Variants in GRID2 observed in about 807,000 individuals in gnomAD.
GRID2 encodes the protein glutamate ionotropic receptor delta type subunit 2, also known as glutamate receptor ionotropic, delta-2.
Under a neutral mutation model 114.8 loss-of-function variants are expected in GRID2, and 33 were observed. The ratio of observed to expected loss-of-function variants is 0.29; its 90% CI spans 0.22 to 0.38. The LOEUF (loss-of-function observed/expected upper bound fraction) is 0.38, where lower values mean the gene tolerates loss of function less well. Ranked by LOEUF, GRID2 falls within the 10% of genes least tolerant of loss-of-function variation. The pLI, the probability that GRID2 is intolerant of heterozygous loss-of-function variation, is 1.00. For synonymous variants in GRID2, 505 were observed against 449.9 expected (o/e 1.12, Z -1.55); for missense variants, 1,184 against 1,257.7 (o/e 0.94, Z 0.89).
At chr4:93,453,188 A>G (rs1168321152) in intron 10 of GRID2, among the ~76,000 whole-genome samples, 1 of 151,630 alleles carries the variant, frequency 6.6e-6, no homozygotes, top group Non-Finnish European at 1.5e-5. Context: ...GCTTCAGTGC[A>G]GCACCTCTAA....
At chr4:92,770,148 C>T (rs1005413709) in intron 2 of GRID2, among the ~76,000 whole-genome samples, 6 of 152,204 alleles carry the variant, frequency 3.9e-5, no homozygotes, top group Admixed American at 2.0e-4. Flanking sequence ...AATCATCTCT[C>T]TCAAGTTCAA....
chr4:92,531,702 G>T (rs1725366020), intron 1 of GRID2, among the ~76,000 whole-genome samples: 1 of 152,004 alleles, frequency 6.6e-6, no homozygotes, highest in Non-Finnish European at 1.5e-5. Flanking sequence ...TTTATGAGAG[G>T]ACTAGAAAAT....
At chr4:93,002,715 A>G (rs1721121658) in intron 2 of GRID2, among the ~76,000 whole-genome samples, 1 of 151,880 alleles carries the variant, frequency 6.6e-6, no homozygotes, top group African/African-American at 2.4e-5. Flanking sequence ...ATATAAAATT[A>G]TGATGATTAG....
At chr4:93,222,276 T>C (rs1251212399) in intron 6 of GRID2, among the ~76,000 whole-genome samples, 1 of 151,994 alleles carries the variant, frequency 6.6e-6, no homozygotes, top group Non-Finnish European at 1.5e-5. Context: ...GTATGCACTG[T>C]GTGTTCCGGT....
chr4:92,680,621 A>C (rs907943462), intron 2 of GRID2, among the ~76,000 whole-genome samples: 3 of 152,166 alleles, frequency 2.0e-5, no homozygotes, highest in African/African-American at 7.2e-5. Context: ...AACAGCATAA[A>C]GAATAATGAA....
intron 1 of GRID2, among the ~76,000 whole-genome samples, chr4:92,522,314 A>G (rs570586451): frequency 2.6e-5 from 4 of 151,874 alleles, no homozygotes; most frequent in East Asian, 1.9e-4. Context: ...GTAAACAGGG[A>G]AAAAAAATAA....
intron 1 of GRID2, among the ~76,000 whole-genome samples, chr4:92,335,848 C>T (rs1451634413): frequency 6.6e-6 from 1 of 152,146 alleles, no homozygotes; most frequent in African/African-American, 2.4e-5. Flanking sequence ...ATTGGTTTAT[C>T]TGATGCTTGA....
Position 93,111,192 on chromosome 4 carries a change from TAAGAAGTCTTATAG to T in GRID2, c.735+243_735+256del, listed in dbSNP as rs1386663385. 9.9e-5 allele frequency among the ~76,000 whole-genome samples: 15 copies of T among 152,200 alleles called. 1 individual carries two copies. The highest frequency in any genetic ancestry group is 7.2e-4 in the Admixed American group (11 of 15,272). On this transcript the variant is annotated intron_variant, in intron 4 of 15. Transcript: ENST00000282020. ...TTTAGGCACATAGACAGAACAATTT[TAAGAAGTCTTATAG>T]AAGTTTAAAAGTGCTGTTGACCTGA...
At chr4:92,441,743 T>C (rs538915683) in intron 1 of GRID2, among the ~76,000 whole-genome samples, 9 of 152,090 alleles carry the variant, frequency 5.9e-5, no homozygotes, top group African/African-American at 1.9e-4. Context: ...GATTAGGTTT[T>C]AATGAGATGG....
At chr4:93,388,810 T>C (rs1003781149) in intron 8 of GRID2, among the ~76,000 whole-genome samples, 4 of 152,056 alleles carry the variant, frequency 2.6e-5, no homozygotes, top group African/African-American at 7.2e-5. Flanking sequence ...AGAGGTGAAA[T>C]TGGCAGAGCT....
chr4:93,126,601 T>A (rs1734287130), intron 4 of GRID2, among the ~76,000 whole-genome samples: 1 of 123,442 alleles, frequency 8.1e-6, no homozygotes, highest in African/African-American at 3.2e-5. Flanking sequence ...TTTTTTTTTT[T>A]TTTTTTTTTT....
At chr4:92,710,139 C>A (rs2149308708) in intron 2 of GRID2, among the ~76,000 whole-genome samples, 1 of 151,962 alleles carries the variant, frequency 6.6e-6, no homozygotes, top group Middle Eastern at 3.4e-3. Context: ...GGAAAAAAAA[C>A]TGTTCTTTTC....
chr4:93,650,237 G>C (rs955150259), intron 14 of GRID2, among the ~76,000 whole-genome samples: 1 of 152,064 alleles, frequency 6.6e-6, no homozygotes, highest in Non-Finnish European at 1.5e-5. Context: ...AAATTCACTG[G>C]AAAGTGGGGA....
chr4:92,874,942 A>G (rs1264976532), intron 2 of GRID2, among the ~76,000 whole-genome samples: 3 of 152,146 alleles, frequency 2.0e-5, no homozygotes, highest in East Asian at 1.9e-4. Flanking sequence ...AGTGTTTACA[A>G]TCATTCACAT....
At chr4:93,679,377 A>G (rs1259343148) in intron 14 of GRID2, among the ~76,000 whole-genome samples, 3 of 151,024 alleles carry the variant, frequency 2.0e-5, no homozygotes, top group South Asian at 4.2e-4. Flanking sequence ...AACGAGACAG[A>G]AAGTTAACAA....
intron 1 of GRID2, among the ~76,000 whole-genome samples, chr4:92,411,356 T>C (rs1293471742): frequency 2.0e-5 from 3 of 152,072 alleles, no homozygotes; most frequent in Non-Finnish European, 4.4e-5. Context: ...CTTAATGTTA[T>C]AGATTATGTG....
intron 2 of GRID2, among the ~76,000 whole-genome samples, chr4:92,980,252 A>C (rs1469614341): frequency 6.6e-6 from 1 of 152,118 alleles, no homozygotes; most frequent in Middle Eastern, 3.2e-3. Flanking sequence ...TTTTAAAAAT[A>C]TTAAGTCTAT....
chr4:92,903,563 A>G (rs962615244), intron 2 of GRID2, among the ~76,000 whole-genome samples: 1 of 151,990 alleles, frequency 6.6e-6, no homozygotes, highest in African/African-American at 2.4e-5. Context: ...CTTAAAAACC[A>G]TGAATAATTA....
rs1317495429 is a variant in GRID2 at position 92,545,007 on chromosome 4, A to G, written c.89-45124A>G. On this transcript the variant is annotated intron_variant, in intron 1 of 15. Transcript: ENST00000282020. ...AATACATCCCATATTTCATATTTCT[A>G]AGCATTTGGGGAGCCACTTGCTTTG... Among the ~76,000 whole-genome samples, 5 of 151,812 alleles carry G rather than the reference A, an allele frequency of 3.3e-5. No homozygotes were observed. The East Asian group carries it at 7.7e-4, about 23-fold the overall frequency.
Sources: gnomAD v4.1 joint callset for allele counts (sites outside exome capture counted in the v4.1 genomes callset) on GRCh38, gnomAD v4.1.1 for gene constraint, MANE v1.5 for transcripts, NCBI Gene and HGNC (gene_info 2026-07-23, HGNC 2026-07-21) for gene names.